The following ARHGAP26 variants were observed in gnomAD, a reference collection of about 807,000 sequenced individuals.
The protein encoded by ARHGAP26 is Rho GTPase activating protein 26, also known as rho GTPase-activating protein 26.
In ARHGAP26, 38 loss-of-function variants were observed where a neutral mutation model predicts 104.8. The ratio of observed to expected loss-of-function variants is 0.36; its 90% CI spans 0.28 to 0.48. The LOEUF (loss-of-function observed/expected upper bound fraction) is 0.48, where lower values mean the gene tolerates loss of function less well. ARHGAP26 is among the 20% of genes least tolerant of loss of function. ARHGAP26 has a pLI of 0.99. For missense variants in ARHGAP26, 704 were observed against 947.9 expected, an observed-to-expected ratio of 0.74 and a Z score of 3.38; for synonymous variants, 341 against 340.0, an observed-to-expected ratio of 1.00 and a Z score of -0.03.
chr5:142,849,088 G>A (rs910162711), intron 1 of ARHGAP26, among the ~76,000 whole-genome samples: 2 of 152,192 alleles, frequency 1.3e-5, no homozygotes, highest in Non-Finnish European at 2.9e-5. Flanking sequence ...TTTATCAAAT[G>A]TGTTTATTAC....
At chr5:143,161,225 T>A (rs867591175) in intron 20 of ARHGAP26, among the ~76,000 whole-genome samples, 98 of 152,052 alleles carry the variant, frequency 6.4e-4, no homozygotes, top group African/African-American at 2.3e-3. Flanking sequence ...TTGGCCAGAC[T>A]GGTTTCAAAC....
chr5:143,104,173 T>C (rs978181017), intron 17 of ARHGAP26, among the ~76,000 whole-genome samples: 1 of 152,008 alleles, frequency 6.6e-6, no homozygotes, highest in Non-Finnish European at 1.5e-5. Context: ...GAATGTAAAT[T>C]GACATAGATC....
At chr5:142,963,198 A>ATATATATGTG (rs869247749) in intron 11 of ARHGAP26, among the ~76,000 whole-genome samples, 1 of 98,356 alleles carries the variant, frequency 1.0e-5, no homozygotes, top group African/African-American at 6.1e-5. Context: ...ATATATATAT[A>ATATATATGTG]TGTGTGTGTG....
intron 11 of ARHGAP26, among the ~76,000 whole-genome samples, chr5:143,012,576 T>TACATATATATATATATATATACACATATA (rs1554195628): frequency 1.8e-5 from 1 of 57,032 alleles, no homozygotes. Flanking sequence ...TATATATATA[T>TACATATATATATATATATATACACATATA]TATGATCAGG....
chr5:143,073,553 G>A (rs552159443), intron 17 of ARHGAP26, among the ~76,000 whole-genome samples: 1 of 152,200 alleles, frequency 6.6e-6, no homozygotes, highest in Admixed American at 6.5e-5. Context: ...CGGTAGGGGA[G>A]AGCATTGGCC....
At chr5:142,918,075 G>A (rs1396799854) in intron 10 of ARHGAP26, among the ~76,000 whole-genome samples, 1 of 151,806 alleles carries the variant, frequency 6.6e-6, no homozygotes, top group Non-Finnish European at 1.5e-5. Flanking sequence ...CAGGCCAATG[G>A]GATTTAGATC....
chr5:142,821,425 C>T (rs751752182), intron 1 of ARHGAP26, among the ~76,000 whole-genome samples: 9 of 149,418 alleles, frequency 6.0e-5, no homozygotes, highest in South Asian at 2.1e-4. Flanking sequence ...CCCATACCTG[C>T]AAGTGCACTC....
intron 1 of ARHGAP26, among the ~76,000 whole-genome samples, chr5:142,794,944 A>C (rs1411881722): frequency 1.3e-5 from 2 of 152,208 alleles, no homozygotes; most frequent in Non-Finnish European, 2.9e-5. Flanking sequence ...GTCTCGTATA[A>C]TGGATTAGAC....
chr5:143,109,968 A>G (rs1376567710), intron 17 of ARHGAP26, among the ~76,000 whole-genome samples: 1 of 152,028 alleles, frequency 6.6e-6, no homozygotes, highest in Non-Finnish European at 1.5e-5. Flanking sequence ...ACTTTTCCTG[A>G]TACTTGCCCT....
At chr5:143,160,699 A>G (rs1801125623) in intron 20 of ARHGAP26, among the ~76,000 whole-genome samples, 1 of 151,660 alleles carries the variant, frequency 6.6e-6, no homozygotes, top group Non-Finnish European at 1.5e-5. Flanking sequence ...CGCCCAGGCT[A>G]GTCCCCTGGA....
intron 3 of ARHGAP26, among the ~76,000 whole-genome samples, chr5:142,878,629 G>C (rs768403746): frequency 3.3e-5 from 5 of 152,156 alleles, no homozygotes; most frequent in Admixed American, 3.3e-4. Context: ...TATGTTGGTA[G>C]TCAGGGAAGG....
intron 1 of ARHGAP26, among the ~76,000 whole-genome samples, chr5:142,784,343 T>C (rs571959652): frequency 6.6e-6 from 1 of 152,272 alleles, no homozygotes; most frequent in East Asian, 1.9e-4. Flanking sequence ...CCCCCACCTC[T>C]CCTGGCCAGC....
At chr5:142,972,070 T>A (rs1301991557) in intron 11 of ARHGAP26, among the ~76,000 whole-genome samples, 1 of 151,970 alleles carries the variant, frequency 6.6e-6, no homozygotes, top group Admixed American at 6.6e-5. Flanking sequence ...TTATCCCAGC[T>A]ACTCGGGAGG....
rs374968514 is a variant in ARHGAP26 at position 142,914,991 on chromosome 5, G to C, written c.1028+1698G>C. On this transcript the variant is annotated intron_variant, in intron 10 of 22. Transcript: ENST00000645722. ...CTGCTTTGAAGAGGGCATGCTTTGT[G>C]TTGCAGCTCTCTGTCAGATTGGAAA... Among the ~76,000 whole-genome samples the C allele has an allele frequency of 4.6e-5, 7 of 152,216 alleles. No homozygotes were observed. The East Asian group carries it at 7.7e-4, about 17-fold the overall frequency.
chr5:142,952,106 G>C (rs1768479210), intron 11 of ARHGAP26, among the ~76,000 whole-genome samples: 1 of 152,108 alleles, frequency 6.6e-6, no homozygotes, highest in Admixed American at 6.5e-5. Flanking sequence ...TTTGCCATTG[G>C]ATTTATGGCC....
chr5:143,116,921 T>C (rs1360150593), intron 17 of ARHGAP26, among the ~76,000 whole-genome samples: 2 of 152,208 alleles, frequency 1.3e-5, no homozygotes, highest in Non-Finnish European at 2.9e-5. Flanking sequence ...TGCTTCTCAG[T>C]GGATGCAGCC....
At chr5:143,178,182 T>C (rs1803775310) in intron 20 of ARHGAP26, among the ~76,000 whole-genome samples, 1 of 151,900 alleles carries the variant, frequency 6.6e-6, no homozygotes, top group Non-Finnish European at 1.5e-5. Flanking sequence ...GTATTTTCAG[T>C]AGAGATGGGA....
chr5:143,159,958 G>T (rs1245437610), intron 20 of ARHGAP26, among the ~76,000 whole-genome samples: 2 of 149,780 alleles, frequency 1.3e-5, no homozygotes, highest in African/African-American at 2.5e-5. Context: ...TGCATTGATT[G>T]TTTAGCTTCA....
intron 1 of ARHGAP26, among the ~76,000 whole-genome samples, chr5:142,849,502 C>G (rs114895301): frequency 6.6e-6 from 1 of 152,220 alleles, no homozygotes; most frequent in African/African-American, 2.4e-5. Context: ...ACAGTGTGCT[C>G]TCCATGCTTC....
Sources: allele counts gnomAD v4.1 joint callset (sites outside exome capture counted in the v4.1 genomes callset), GRCh38; gene constraint gnomAD v4.1.1; transcripts MANE v1.5; gene names NCBI Gene and HGNC (gene_info 2026-07-23, HGNC 2026-07-21).